The following CFAP210 variants were observed in gnomAD, a reference collection of about 807,000 sequenced individuals.
The protein encoded by CFAP210 is cilia and flagella associated protein 210, also known as cilia- and flagella- associated protein 210.
chr2:169,652,681 G>C, the CFAP210 span, among the ~76,000 whole-genome samples: 2 of 151,900 alleles, frequency 1.3e-5, no homozygotes, highest in South Asian at 4.2e-4. Flanking sequence ...TGGAGGAGAG[G>C]GACAGTAAAC....
the CFAP210 span, among the ~76,000 whole-genome samples, chr2:169,684,648 CGTTGTTGTT>C: frequency 3.3e-5 from 5 of 151,434 alleles, no homozygotes; most frequent in African/African-American, 9.7e-5. Context: ...GATTCCTTTT[CGTTGTTGTT>C]GTTGTTGTTG....
At chr2:169,674,539 C>T in the CFAP210 span, 63 of 1,477,856 alleles carry the variant, frequency 4.3e-5, no homozygotes, top group African/African-American at 5.1e-4. Context: ...TATGAGAAAA[C>T]GAGAAAGGTA....
At chr2:169,672,118 A>G in the CFAP210 span, among the ~76,000 whole-genome samples, 1 of 152,202 alleles carries the variant, frequency 6.6e-6, no homozygotes, top group East Asian at 1.9e-4. Context: ...AATTCTATAA[A>G]ACCCATACAT....
At chr2:169,673,788 G>A in the CFAP210 span, among the ~76,000 whole-genome samples, 1 of 152,034 alleles carries the variant, frequency 6.6e-6, no homozygotes, top group Admixed American at 6.6e-5. Flanking sequence ...TGATGGAAAT[G>A]TTCCATATCT....
At chr2:169,659,555 G>T in the CFAP210 span, among the ~76,000 whole-genome samples, 1 of 152,140 alleles carries the variant, frequency 6.6e-6, no homozygotes, top group East Asian at 1.9e-4. Context: ...TAGGAGGATG[G>T]TGTTAAACCA....
At chr2:169,654,235 T>C in the CFAP210 span, 11 of 1,537,080 alleles carry the variant, frequency 7.2e-6, no homozygotes, top group African/African-American at 4.2e-5. Context: ...AAATTGTATA[T>C]ATTAACTTAT....
chr2:169,645,736 T>C, the CFAP210 span: 1 of 736,550 alleles, frequency 1.4e-6, no homozygotes, highest in Non-Finnish European at 2.2e-6. Flanking sequence ...AAATCAGACA[T>C]AATTGTACTT....
At chr2:169,646,204 TTTAAC>T in the CFAP210 span, 2 of 1,539,540 alleles carry the variant, frequency 1.3e-6, no homozygotes, top group Non-Finnish European at 1.8e-6. Flanking sequence ...AGAAAGGAAA[TTTAAC>T]TTAATATTGG....
At chr2:169,658,606 A>C in the CFAP210 span, 1 of 174,672 alleles carries the variant, frequency 5.7e-6, no homozygotes, top group Non-Finnish European at 1.2e-5. Flanking sequence ...GGAACAGAGG[A>C]AGACATAAAA....
the CFAP210 span, chr2:169,650,392 TTCTC>T: frequency 6.2e-7 from 1 of 1,605,298 alleles, no homozygotes; most frequent in Non-Finnish European, 8.5e-7. Context: ...CTTTTTCTCT[TTCTC>T]TTTTTTCCCA....
chr2:169,683,342 T>C, the CFAP210 span, among the ~76,000 whole-genome samples: 1 of 152,204 alleles, frequency 6.6e-6, no homozygotes, highest in Non-Finnish European at 1.5e-5. Flanking sequence ...TATCTGGGGA[T>C]TGTGGTGTAA....
At chr2:169,654,380 G>A in the CFAP210 span, among the ~76,000 whole-genome samples, 1 of 152,208 alleles carries the variant, frequency 6.6e-6, no homozygotes, top group African/African-American at 2.4e-5. Context: ...AAAGGTTTAT[G>A]TGTCATGTAA....
At chr2:169,674,637 GTTC>G in the CFAP210 span, 1 of 1,608,874 alleles carries the variant, frequency 6.2e-7, no homozygotes, top group Non-Finnish European at 8.5e-7. Flanking sequence ...GCTTTTTCTT[GTTC>G]TTCTTTAAAA....
At chr2:169,663,020 G>C in the CFAP210 span, among the ~76,000 whole-genome samples, 1 of 152,312 alleles carries the variant, frequency 6.6e-6, no homozygotes, top group South Asian at 2.1e-4. Flanking sequence ...GCCCTGATCT[G>C]AGTGATTTAG....
At chr2:169,652,431 A>G in the CFAP210 span, among the ~76,000 whole-genome samples, 2 of 152,270 alleles carry the variant, frequency 1.3e-5, no homozygotes, top group African/African-American at 2.4e-5. Context: ...GGGGACAGAC[A>G]TAACAGTGAA....
At chr2:169,649,438 G>T in the CFAP210 span, 3 of 1,186,422 alleles carry the variant, frequency 2.5e-6, no homozygotes, top group Non-Finnish European at 2.4e-6. Flanking sequence ...TGAAGCAGAG[G>T]AGAGTCAGCC....
chr2:169,664,396 A>C, the CFAP210 span, among the ~76,000 whole-genome samples: 1 of 152,212 alleles, frequency 6.6e-6, no homozygotes, highest in Non-Finnish European at 1.5e-5. Context: ...GCATCATTTC[A>C]GCAAAAAATT....
the CFAP210 span, among the ~76,000 whole-genome samples, chr2:169,649,535 T>C: frequency 2.6e-5 from 4 of 152,118 alleles, no homozygotes; most frequent in Admixed American, 2.0e-4. Context: ...ATTTCCTGAA[T>C]ATCAGAAAAT....
the CFAP210 span, among the ~76,000 whole-genome samples, chr2:169,677,157 G>A: frequency 6.6e-6 from 1 of 152,138 alleles, no homozygotes; most frequent in Non-Finnish European, 1.5e-5. Context: ...GGCAAATGAC[G>A]AGAAGCTGCC....
Sources: allele counts gnomAD v4.1 joint callset (sites outside exome capture counted in the v4.1 genomes callset), GRCh38; gene constraint gnomAD v4.1.1; transcripts MANE v1.5; gene names NCBI Gene and HGNC (gene_info 2026-07-23, HGNC 2026-07-21).